FIP1L1: variants seen among roughly 807,000 people sequenced by gnomAD.
FIP1L1 encodes the protein pre-mRNA 3'-end-processing factor FIP1.
Under a neutral mutation model 84.6 loss-of-function variants are expected in FIP1L1, and 21 were observed. That is an observed-to-expected ratio of 0.25 (90% CI 0.18 to 0.36). The LOEUF (loss-of-function observed/expected upper bound fraction) is 0.36, where lower values mean the gene tolerates loss of function less well. Ranked by LOEUF, FIP1L1 falls within the 10% of genes least tolerant of loss-of-function variation. FIP1L1 has a pLI of 1.00. For missense variants in FIP1L1, 526 were observed against 751.1 expected, an observed-to-expected ratio of 0.70 and a Z score of 3.50; for synonymous variants, 263 against 242.3, an observed-to-expected ratio of 1.09 and a Z score of -0.80.
chr4:53,380,242 A>G (rs1036794405), intron 3 of FIP1L1, among the ~76,000 whole-genome samples: 28 of 152,248 alleles, frequency 1.8e-4, no homozygotes, highest in Admixed American at 1.4e-3. Flanking sequence ...AGCTGCATCA[A>G]CTGATGAATG....
At chr4:53,437,758 C>T (rs1770079310) in intron 13 of FIP1L1, among the ~76,000 whole-genome samples, 1 of 151,948 alleles carries the variant, frequency 6.6e-6, no homozygotes, top group Admixed American at 6.6e-5. Flanking sequence ...TGGAGTCTCG[C>T]TCTGTTGCCC....
chr4:53,425,875 A>T lies in FIP1L1; in HGVS notation c.927A>T (p.Arg309Ser), dbSNP rs1366681567. 1 of 1,608,188 alleles carries T rather than the reference A, an allele frequency of 6.2e-7. No individual in the cohort carries two copies. The highest frequency in any genetic ancestry group is 1.7e-5 in the Admixed American group (1 of 59,716). The change falls in exon 12 of 18, where the codon AGA (arginine) becomes AGT (serine). Residue 309 changes from arginine (R) to serine (S), a missense_variant. Physicochemically the swap from Arg to Ser is moderately radical, Grantham distance 110 (BLOSUM62 -1). Around this residue, in one of 6 missense-constraint regions of FIP1L1, gnomAD observed 80 missense variants for 151.1 expected, o/e 0.53. Coordinates refer to ENST00000337488, the MANE Select transcript of FIP1L1 (RefSeq NM_030917.4). ...TGATTCAATTTTTATGTTACAGGAG[A>T]TTACCTGGGGCAATTGATGTTATCG... ...YGRAESPDLR[R>S]LPGAIDVIGQ...
chr4:53,386,656 A>C (rs1483301480), intron 5 of FIP1L1, among the ~76,000 whole-genome samples: 1 of 152,220 alleles, frequency 6.6e-6, no homozygotes, highest in African/African-American at 2.4e-5. Context: ...ACACTGCCTA[A>C]CAATAAATAT....
chr4:53,453,257 C>A, intron 16 of FIP1L1, 124 bp downstream of exon 16: 1 of 1,085,884 alleles, frequency 9.2e-7, no homozygotes, highest in Non-Finnish European at 1.3e-6. Context: ...CATAGGAAAG[C>A]CATCTTAAAA....
intron 14 of FIP1L1, 89 bp downstream of exon 14, chr4:53,442,796 T>C (rs1772556674): frequency 1.4e-6 from 1 of 733,326 alleles, no homozygotes; most frequent in East Asian, 2.7e-5. Context: ...ATATTTAATT[T>C]TATAAACACA....
chr4:53,395,232 G>A (rs1430345942), intron 9 of FIP1L1, among the ~76,000 whole-genome samples: 2 of 152,066 alleles, frequency 1.3e-5, no homozygotes, highest in African/African-American at 4.8e-5. Flanking sequence ...AGAATAGTGA[G>A]GATTTTCAGA....
At chr4:53,414,333 T>TA (rs1758490364) in intron 10 of FIP1L1, among the ~76,000 whole-genome samples, 1 of 152,128 alleles carries the variant, frequency 6.6e-6, no homozygotes, top group Non-Finnish European at 1.5e-5. Flanking sequence ...TAATGTATTG[T>TA]AACCTGATGT....
At chr4:53,421,289 A>G (rs1020166368) in intron 11 of FIP1L1, among the ~76,000 whole-genome samples, 6 of 152,076 alleles carry the variant, frequency 3.9e-5, no homozygotes, top group African/African-American at 1.4e-4. Context: ...GCCTCTTTGA[A>G]TGTCTTTTGG....
intron 10 of FIP1L1, among the ~76,000 whole-genome samples, chr4:53,414,295 A>G (rs963107870): frequency 2.0e-5 from 3 of 152,180 alleles, no homozygotes; most frequent in Non-Finnish European, 4.4e-5. Context: ...TTAAGAATTC[A>G]TAGAGGCACA....
intron 11 of FIP1L1, among the ~76,000 whole-genome samples, chr4:53,419,601 G>T (rs913626359): frequency 1.3e-5 from 2 of 151,866 alleles, no homozygotes; most frequent in Non-Finnish European, 2.9e-5. Context: ...CACCATGCTC[G>T]GCTAATTTTT....
chr4:53,440,615 C>CT, intron 13 of FIP1L1: 1 of 1,517,478 alleles, frequency 6.6e-7, no homozygotes, highest in African/African-American at 1.4e-5. Flanking sequence ...CCAGGTAAAA[C>CT]TTTTTTCATG....
Position 53,417,847 on chromosome 4 carries a change from ACACT to A in FIP1L1, c.923+3126_923+3129del, listed in dbSNP as rs1760530781. 2.0e-5 allele frequency among the ~76,000 whole-genome samples: 3 copies of A among 148,588 alleles called. No homozygotes were observed. The Admixed American group carries it at 2.0e-4, about 10-fold the overall frequency. On this transcript the variant is annotated intron_variant, in intron 11 of 17. Transcript: ENST00000337488. ...GGCTACTTTTTCTCTTTTAAAACAC[ACACT>A]GTCTCACTCTCACTCTCTGTTAGTG... is the stretch of plus-strand genomic sequence containing the variant.
At chr4:53,429,298 C>G (rs932104959) in intron 13 of FIP1L1, among the ~76,000 whole-genome samples, 1 of 152,124 alleles carries the variant, frequency 6.6e-6, no homozygotes, top group African/African-American at 2.4e-5. Context: ...GTTAGAGGTC[C>G]TTATTCCAGA....
chr4:53,403,327 G>A lies in FIP1L1; in HGVS notation c.815+3488G>A, dbSNP rs2149530114. ...ATTACCTGTAGTATGTTACAATAAGGTATTTTGAGAGAGACCACATTCATA... is the reference window on the plus strand; with the variant it reads ...ATTACCTGTAGTATGTTACAATAAGATATTTTGAGAGAGACCACATTCATA... On this transcript the variant is annotated intron_variant, in intron 10 of 17. Transcript: ENST00000337488. Among the ~76,000 whole-genome samples, 3 of 152,228 alleles carry A rather than the reference G, an allele frequency of 2.0e-5. No individual in the cohort carries two copies. In the South Asian group the frequency reaches 6.2e-4, roughly 32 times the overall value.
chr4:53,460,843 T>TA lies in FIP1L1; in HGVS notation c.*1395dup, dbSNP rs1188156478. ...TAAATATAAAAACTGACAAGATAAA[T>TA]ATAGTGTTTCAACTTCTTAGCCTAT... On this transcript the variant is annotated 3_prime_UTR_variant, in exon 18 of 18. Coordinates refer to ENST00000337488, the MANE Select transcript of FIP1L1 (RefSeq NM_030917.4). 11 of 1,387,264 alleles carry TA rather than the reference T, an allele frequency of 7.9e-6. No individual in the cohort carries two copies. In the African/African-American group the frequency reaches 1.2e-4, roughly 15 times the overall value. The allele number at this position is 1,387,264 out of a possible 1,614,324, so 85.9% of individuals were successfully genotyped here.
chr4:53,441,194 T>G (rs1221268608), intron 13 of FIP1L1, among the ~76,000 whole-genome samples: 1 of 151,950 alleles, frequency 6.6e-6, no homozygotes, highest in Non-Finnish European at 1.5e-5. Context: ...TGTCAGTTAT[T>G]TCTTTTTATA....
At chr4:53,406,086 C>T (rs1478648166) in intron 10 of FIP1L1, among the ~76,000 whole-genome samples, 3 of 151,982 alleles carry the variant, frequency 2.0e-5, no homozygotes, top group African/African-American at 4.8e-5. Flanking sequence ...TGTCTTGTGC[C>T]AGTTTTCAAA....
chr4:53,434,741 T>A (rs1768325600), intron 13 of FIP1L1, among the ~76,000 whole-genome samples: 1 of 152,188 alleles, frequency 6.6e-6, no homozygotes, highest in South Asian at 2.1e-4. Context: ...GTGCTGGGAT[T>A]ACAGGCGTGA....
chr4:53,450,405 A>C (rs754257983), intron 15 of FIP1L1, among the ~76,000 whole-genome samples: 4 of 152,238 alleles, frequency 2.6e-5, no homozygotes, highest in Non-Finnish European at 5.9e-5. Context: ...TGTTACTCTC[A>C]TCCTTTGAAA....
Sources: gnomAD v4.1 joint callset for allele counts (sites outside exome capture counted in the v4.1 genomes callset) on GRCh38, gnomAD v4.1.1 for gene constraint, gnomAD v4.1.1 regional missense constraint, MANE v1.5 for transcripts, NCBI Gene and HGNC (gene_info 2026-07-23, HGNC 2026-07-21) for gene names.